The following EVL variants were observed in gnomAD, a reference collection of about 807,000 sequenced individuals.
The protein encoded by EVL is ena/VASP-like protein.
A neutral mutation model predicts 59.6 loss-of-function variants in EVL; 21 were observed. The observed-to-expected ratio is 0.35, with a 90% CI of 0.25 to 0.51. The LOEUF (loss-of-function observed/expected upper bound fraction) is 0.51, where lower values mean the gene tolerates loss of function less well. EVL is among the 20% of genes least tolerant of loss of function. EVL has a pLI of 0.97. For synonymous variants in EVL, 198 were observed against 203.5 expected (o/e 0.97, Z 0.23); for missense variants, 462 against 546.6 (o/e 0.85, Z 1.54).
At chr14:100,029,653 G>A (rs754249091) in intron 1 of EVL, among the ~76,000 whole-genome samples, 6 of 152,186 alleles carry the variant, frequency 3.9e-5, no homozygotes, top group Non-Finnish European at 7.3e-5. Flanking sequence ...AGATTTTCAG[G>A]AGGAAGCATC....
At chr14:100,019,750 G>A in intron 1 of EVL, 2 of 1,462,680 alleles carry the variant, frequency 1.4e-6, no homozygotes, top group East Asian at 2.5e-5. Flanking sequence ...GGTTTTTGCT[G>A]TGTAATGACA....
At chr14:100,140,767 C>CGCT (rs771972295) in intron 11 of EVL, 15 of 165,300 alleles carry the variant, frequency 9.1e-5, no homozygotes, top group Non-Finnish European at 1.6e-4. Flanking sequence ...CTCCTGCCGC[C>CGCT]GCTGCTGCTT....
chr14:100,111,961 G>A (rs758568817), intron 3 of EVL, among the ~76,000 whole-genome samples: 3 of 152,104 alleles, frequency 2.0e-5, no homozygotes, highest in Non-Finnish European at 2.9e-5. Context: ...ACTATAACCC[G>A]GCTTGGTCAG....
intron 3 of EVL, among the ~76,000 whole-genome samples, chr14:100,120,231 A>T (rs1887609896): frequency 1.3e-5 from 2 of 152,056 alleles, no homozygotes; most frequent in South Asian, 2.1e-4. Flanking sequence ...CTTTTCACTC[A>T]AGTCAGTTCA....
At chr14:99,983,672 T>C (rs1293774007) in intron 1 of EVL, among the ~76,000 whole-genome samples, 1 of 152,132 alleles carries the variant, frequency 6.6e-6, no homozygotes, top group Non-Finnish European at 1.5e-5. Flanking sequence ...TCTTCTCCCT[T>C]CTCTCTCAAA....
intron 3 of EVL, among the ~76,000 whole-genome samples, chr14:100,105,041 A>G (rs1296653398): frequency 6.6e-6 from 1 of 151,722 alleles, no homozygotes; most frequent in Non-Finnish European, 1.5e-5. Context: ...CGGTCATGCC[A>G]ACATCCAGGG....
chr14:100,015,602 GC>G (rs2061044182), intron 1 of EVL, among the ~76,000 whole-genome samples: 1 of 152,206 alleles, frequency 6.6e-6, no homozygotes, highest in Non-Finnish European at 1.5e-5. Flanking sequence ...ATTAGCGCCG[GC>G]AGGGACTGCC....
At chr14:99,980,909 T>C (rs1328466333) in intron 1 of EVL, among the ~76,000 whole-genome samples, 1 of 152,232 alleles carries the variant, frequency 6.6e-6, no homozygotes, top group African/African-American at 2.4e-5. Context: ...TATCTAGTTA[T>C]ATAAACATAA....
chr14:100,092,945 G>T (rs1254100620), intron 2 of EVL, among the ~76,000 whole-genome samples: 1 of 152,226 alleles, frequency 6.6e-6, no homozygotes, highest in Non-Finnish European at 1.5e-5. Context: ...ACAAGTGAGT[G>T]TTGGGTGATG....
chr14:100,022,723 C>T (rs911210370), intron 1 of EVL, among the ~76,000 whole-genome samples: 1 of 152,178 alleles, frequency 6.6e-6, no homozygotes, highest in East Asian at 1.9e-4. Flanking sequence ...CTGCTTGACA[C>T]ACAGTAAGAC....
At chr14:100,079,145 A>G (rs553849024) in intron 1 of EVL, among the ~76,000 whole-genome samples, 1 of 152,344 alleles carries the variant, frequency 6.6e-6, no homozygotes, top group African/African-American at 2.4e-5. Context: ...GAGGCAGCAG[A>G]CAGGGCTGAG....
chr14:100,044,101 TA>T (rs2061510963), intron 1 of EVL, among the ~76,000 whole-genome samples: 2 of 152,222 alleles, frequency 1.3e-5, no homozygotes, highest in African/African-American at 4.8e-5. Flanking sequence ...ACCTGCTCTC[TA>T]GGTATTCCTT....
At chr14:100,019,736 G>T (rs1167451013) in intron 1 of EVL, 2 of 1,518,574 alleles carry the variant, frequency 1.3e-6, no homozygotes, top group Admixed American at 2.1e-5. Context: ...TTTTGTTCTC[G>T]CTAGGTTTTT....
At chr14:100,073,882 CCCTCAGT>C (rs1469450240) in intron 1 of EVL, among the ~76,000 whole-genome samples, 2 of 152,130 alleles carry the variant, frequency 1.3e-5, no homozygotes, top group African/African-American at 4.8e-5. Flanking sequence ...AGGCACTTGC[CCCTCAGT>C]TCAGTGGCAA....
chr14:100,040,187 T>G (rs1011897536), intron 1 of EVL, among the ~76,000 whole-genome samples: 11 of 152,374 alleles, frequency 7.2e-5, no homozygotes, highest in African/African-American at 2.4e-4. Context: ...ACTAGCACTT[T>G]GCTGCCCTTA....
chr14:100,091,771 C>T, intron 2 of EVL, among the ~76,000 whole-genome samples: 1 of 152,176 alleles, frequency 6.6e-6, no homozygotes, highest in Middle Eastern at 3.2e-3. Flanking sequence ...GTCGGAAGCA[C>T]AAGTCACAAC....
chr14:100,030,969 A>G (rs2061305596), intron 1 of EVL, among the ~76,000 whole-genome samples: 1 of 152,224 alleles, frequency 6.6e-6, no homozygotes, highest in Non-Finnish European at 1.5e-5. Flanking sequence ...ACACGGGACA[A>G]CTATGACGTA....
intron 1 of EVL, among the ~76,000 whole-genome samples, chr14:100,028,211 C>G (rs1188632163): frequency 6.7e-6 from 1 of 149,138 alleles, no homozygotes; most frequent in East Asian, 2.0e-4. Flanking sequence ...ATATTCTCAC[C>G]AGCAGTGTAC....
intron 1 of EVL, among the ~76,000 whole-genome samples, chr14:99,989,945 A>G (rs1414055431): frequency 6.6e-6 from 1 of 152,190 alleles, no homozygotes; most frequent in African/African-American, 2.4e-5. Flanking sequence ...CCTTCTTCTT[A>G]TACTCAGCTA....
Sources: allele counts gnomAD v4.1 joint callset (sites outside exome capture counted in the v4.1 genomes callset), GRCh38; gene constraint gnomAD v4.1.1; transcripts MANE v1.5; gene names NCBI Gene and HGNC (gene_info 2026-07-23, HGNC 2026-07-21).